Variants in PABIR3 observed in about 807,000 individuals in gnomAD.
The protein encoded by PABIR3 is PABIR family member 3.
In PABIR3, 20 loss-of-function variants were observed where a neutral mutation model predicts 23.1. The ratio of observed to expected loss-of-function variants is 0.86; its 90% CI spans 0.61 to 1.26. The LOEUF (loss-of-function observed/expected upper bound fraction) is 1.26, where lower values mean the gene tolerates loss of function less well. Ranked by LOEUF, PABIR3 falls within the 50% of genes most tolerant of loss-of-function variation. The pLI is 0.00. For missense variants in PABIR3, 189 were observed against 195.4 expected (o/e 0.97, Z 0.20); for synonymous variants, 69 against 68.5 (o/e 1.01, Z -0.04).
Position 134,827,251 on chromosome X carries a change from G to A in PABIR3, c.190-1975G>A, listed in dbSNP as rs1277857219. 3.6e-5 allele frequency among the ~76,000 whole-genome samples: 4 copies of A among 111,620 alleles called. No individual in the cohort carries two copies. The East Asian group carries it at 8.5e-4, about 24-fold the overall frequency. On this transcript the variant is annotated intron_variant, in intron 3 of 10. Transcript: ENST00000645433. ...CGAAGTGCTGGGATTACAGGCATGA[G>A]CCACCACACATGGCCCAACACATAC... is the stretch of plus-strand genomic sequence containing the variant.
intron 2 of PABIR3, among the ~76,000 whole-genome samples, chrX:134,813,393 A>G (rs1352411715): frequency 8.9e-6 from 1 of 112,219 alleles, no homozygotes; most frequent in Non-Finnish European, 1.9e-5. Context: ...GGAAAAGGAA[A>G]AAGACCTTGA....
At chrX:134,809,565 C>T (rs2080510587) in intron 2 of PABIR3, 5 of 752,553 alleles carry the variant, frequency 6.6e-6, no homozygotes, top group Non-Finnish European at 7.8e-6. Context: ...CTGAAAAATG[C>T]ATTCACTACA....
Position 134,824,486 on chromosome X carries a change from G to A in PABIR3, c.190-4740G>A, listed in dbSNP as rs746544120. On this transcript the variant is annotated intron_variant, in intron 3 of 10. Transcript: ENST00000645433. Reference sequence around the variant, plus strand: ...TATGCTTTATAATGAGAAAAAATGTGAGCCTATTTCTGTTAAAAACAAAAA... The same window carrying A: ...TATGCTTTATAATGAGAAAAAATGTAAGCCTATTTCTGTTAAAAACAAAAA... Among the ~76,000 whole-genome samples the A allele has an allele frequency of 8.0e-5, 9 of 112,038 alleles. No individual in the cohort carries two copies. In the East Asian group the frequency reaches 2.2e-3, roughly 28 times the overall value.
chrX:134,824,771 C>T (rs2081435123), intron 3 of PABIR3, among the ~76,000 whole-genome samples: 1 of 111,612 alleles, frequency 9.0e-6, no homozygotes, highest in South Asian at 3.7e-4. Flanking sequence ...CTGGCCACTG[C>T]ACTTTAGCCT....
intron 6 of PABIR3, among the ~76,000 whole-genome samples, chrX:134,847,038 A>G (rs899553951): frequency 8.9e-6 from 1 of 111,951 alleles, no homozygotes; most frequent in African/African-American, 3.2e-5. Context: ...TCCTGGATGT[A>G]GTATTATAGT....
intron 1 of PABIR3, among the ~76,000 whole-genome samples, chrX:134,798,497 C>T (rs958512778): frequency 8.9e-6 from 1 of 111,963 alleles, no homozygotes; most frequent in African/African-American, 3.3e-5. Flanking sequence ...TGGGGCCCAC[C>T]TGGCCCCTTT....
At chrX:134,828,079 G>GTA (rs2081605331) in intron 3 of PABIR3, among the ~76,000 whole-genome samples, 1 of 76,198 alleles carries the variant, frequency 1.3e-5, no homozygotes, top group Non-Finnish European at 2.6e-5. Flanking sequence ...ATGTATATTT[G>GTA]TAAAGGTGGG....
At chrX:134,844,579 C>A (rs2082371934) in intron 4 of PABIR3, among the ~76,000 whole-genome samples, 1 of 111,044 alleles carries the variant, frequency 9.0e-6, no homozygotes, top group African/African-American at 3.3e-5. Flanking sequence ...GAAGAAAGAA[C>A]ACATTACTCC....
chrX:134,815,090 T>A (rs1415305653), intron 3 of PABIR3, among the ~76,000 whole-genome samples: 1 of 111,927 alleles, frequency 8.9e-6, no homozygotes, highest in African/African-American at 3.3e-5. Context: ...AATAAACACA[T>A]TGACTACAGT....
At chrX:134,849,837 C>T (rs182079805) in intron 9 of PABIR3, among the ~76,000 whole-genome samples, 1 of 100,378 alleles carries the variant, frequency 1.0e-5, no homozygotes, top group East Asian at 3.2e-4. Context: ...TCCCACTTCT[C>T]AATGGTACCT....
chrX:134,804,675 C>G (rs770299914), upstream of PABIR3, among the ~76,000 whole-genome samples: 28 of 112,154 alleles, frequency 2.5e-4, no homozygotes, highest in Non-Finnish European at 4.1e-4. Context: ...ACGTATGAAA[C>G]CTTACTACCT....
intron 3 of PABIR3, among the ~76,000 whole-genome samples, chrX:134,815,189 C>CT (rs776621587): frequency 0.013 from 1,372 of 102,763 alleles, 22 homozygotes; most frequent in African/African-American, 0.046. Context: ...TCTGGTTTCC[C>CT]TTTTTTTTTT....
At position 134,854,667 on chromosome X, in the gene PABIR3, T is replaced by G. The variant is rs1422392248; in HGVS notation, c.*450T>G. 8.8e-6 allele frequency: 1 copy of G among 113,151 alleles called. No individual in the cohort carries two copies. Among genetic ancestry groups the G allele is most frequent in the Non-Finnish European group, 1.9e-5 (1 of 53,909 alleles). The allele number at this position is 113,151 out of a possible 1,213,427, so 9.3% of individuals were successfully genotyped here. ...TTTTCAGTAACTACTAGCTTCCACTTGGTAAAGAAAAGTCACATATCAAAG... is the reference window on the plus strand; with the variant it reads ...TTTTCAGTAACTACTAGCTTCCACTGGGTAAAGAAAAGTCACATATCAAAG... On this transcript the variant is annotated 3_prime_UTR_variant, in exon 11 of 11. Coordinates refer to ENST00000645433, the MANE Select transcript of PABIR3 (RefSeq NM_001388447.1).
chrX:134,827,759 T>C (rs1351713916), intron 3 of PABIR3, among the ~76,000 whole-genome samples: 1 of 109,893 alleles, frequency 9.1e-6, no homozygotes, highest in Non-Finnish European at 1.9e-5. Flanking sequence ...TCTGCCTGAG[T>C]GTTTCCTCTC....
chrX:134,799,978 CAT>C (rs1475018996), intron 1 of PABIR3: 1 of 106,760 alleles, frequency 9.4e-6, no homozygotes, highest in Non-Finnish European at 1.9e-5. Context: ...AATCCTTTCT[CAT>C]ATAAAATTTT....
upstream of PABIR3, chrX:134,804,025 C>T (rs929174652): frequency 1.3e-5 from 4 of 305,809 alleles, no homozygotes; most frequent in African/African-American, 2.8e-5. Context: ...AAGGTTACAA[C>T]GTAGCTTCAA....
intron 2 of PABIR3, chrX:134,810,737 T>C: frequency 2.7e-6 from 2 of 753,767 alleles, no homozygotes; most frequent in Non-Finnish European, 3.1e-6. Flanking sequence ...CTTGAGTACT[T>C]CCTCTTTCTA....
chrX:134,799,949 A>C (rs2080017296), intron 1 of PABIR3: 1 of 103,147 alleles, frequency 9.7e-6, no homozygotes, highest in South Asian at 4.4e-4. Context: ...GCCTAGGCAG[A>C]CTTGGTGTCA....
At chrX:134,821,818 C>T (rs1364086168) in intron 3 of PABIR3, 2 of 866,731 alleles carry the variant, frequency 2.3e-6, no homozygotes, top group African/African-American at 4.2e-5. Flanking sequence ...TAGGCAGAGA[C>T]ATTTATAAAC....
Sources: allele counts gnomAD v4.1 joint callset (sites outside exome capture counted in the v4.1 genomes callset), GRCh38; gene constraint gnomAD v4.1.1; transcripts MANE v1.5; gene names NCBI Gene and HGNC (gene_info 2026-07-23, HGNC 2026-07-21).